The following TAF3 variants were observed in gnomAD, a reference collection of about 807,000 sequenced individuals.
TAF3 encodes transcription initiation factor TFIID subunit 3.
A neutral mutation model predicts 80.6 loss-of-function variants in TAF3; 7 were observed. The observed-to-expected ratio is 0.09, with a 90% CI of 0.05 to 0.16. TAF3 has a LOEUF of 0.16. Ranked by LOEUF, TAF3 falls within the 10% of genes least tolerant of loss-of-function variation. The pLI is 1.00. For missense variants in TAF3, 921 were observed against 1,140.2 expected, an observed-to-expected ratio of 0.81 and a Z score of 2.77; for synonymous variants, 444 against 446.1, an observed-to-expected ratio of 1.00 and a Z score of 0.06.
intron 2 of TAF3, among the ~76,000 whole-genome samples, chr10:7,862,005 C>T (rs1242402812): frequency 6.6e-6 from 1 of 152,038 alleles, no homozygotes; most frequent in South Asian, 2.1e-4. Flanking sequence ...TCTGTCCGTT[C>T]TTCCAATTTG....
In TAF3 at chr10:7,824,404, C is replaced by A; in HGVS notation, c.253C>A (p.His85Asn). 2 of 1,614,162 alleles carry A rather than the reference C, an allele frequency of 1.2e-6. No individual in the cohort carries two copies. The highest frequency in any genetic ancestry group is 1.7e-6 in the Non-Finnish European group (2 of 1,180,016). ...VSLHELEDYI[H>N]NIEPVTFPHQ... ...TCTACATGAACTAGAAGACTATATT[C>A]ACAACATTGAGCCTGTCACCTTCCC... Residue 85 changes from histidine to asparagine, a missense_variant, in exon 2 of 7, where the codon CAC becomes AAC. This residue lies in a region of TAF3 where 106 missense variants were observed against 191.8 expected (regional missense o/e 0.55). Transcript: ENST00000344293.
At chr10:7,914,894 C>T (rs572228356) in intron 2 of TAF3, among the ~76,000 whole-genome samples, 1 of 149,556 alleles carries the variant, frequency 6.7e-6, no homozygotes, top group South Asian at 2.1e-4. Context: ...CATGTGCCTG[C>T]CACACCTCAT....
At chr10:7,995,778 G>A (rs915122347) in intron 4 of TAF3, among the ~76,000 whole-genome samples, 2 of 152,170 alleles carry the variant, frequency 1.3e-5, no homozygotes, top group Non-Finnish European at 2.9e-5. Flanking sequence ...AAAGAGGCAG[G>A]CCACGAGCTT....
chr10:7,835,840 C>A (rs1564343767), intron 2 of TAF3, among the ~76,000 whole-genome samples: 2 of 152,166 alleles, frequency 1.3e-5, no homozygotes, highest in Non-Finnish European at 2.9e-5. Context: ...CATGTTGTCA[C>A]CTGCATGTAT....
At chr10:7,834,866 C>T (rs373770059) in intron 2 of TAF3, among the ~76,000 whole-genome samples, 67 of 152,048 alleles carry the variant, frequency 4.4e-4, no homozygotes, top group South Asian at 4.0e-3. Context: ...TTCATTTTAC[C>T]GTGTGTATCT....
intron 2 of TAF3, among the ~76,000 whole-genome samples, chr10:7,923,560 T>A (rs2131191032): frequency 6.6e-6 from 1 of 151,024 alleles, no homozygotes; most frequent in East Asian, 1.9e-4. Flanking sequence ...AGTTTTGAAG[T>A]ATTGCTGTAT....
chr10:7,863,626 A>AAATATATATATAT (rs1218836662), intron 2 of TAF3, among the ~76,000 whole-genome samples: 5 of 48,098 alleles, frequency 1.0e-4, no homozygotes, highest in Non-Finnish European at 1.9e-4. Context: ...AAAAAAAAAA[A>AAATATATATATAT]ATATATATAT....
intron 4 of TAF3, among the ~76,000 whole-genome samples, chr10:7,980,922 T>C (rs1193555288): frequency 6.6e-6 from 1 of 152,186 alleles, no homozygotes; most frequent in Non-Finnish European, 1.5e-5. Flanking sequence ...GTAGGTAGAA[T>C]TGGCTAACTT....
At chr10:7,895,039 C>A (rs978654910) in intron 2 of TAF3, among the ~76,000 whole-genome samples, 6 of 152,132 alleles carry the variant, frequency 3.9e-5, no homozygotes, top group Admixed American at 2.6e-4. Context: ...CCATTCCTGG[C>A]TAATTTTTGT....
intron 2 of TAF3, among the ~76,000 whole-genome samples, chr10:7,913,309 A>T (rs1294188303): frequency 6.6e-6 from 1 of 152,150 alleles, no homozygotes; most frequent in African/African-American, 2.4e-5. Context: ...GTGAAAAGGA[A>T]ACCAGGGTTT....
chr10:8,002,204 T>C (rs74406825), intron 4 of TAF3, among the ~76,000 whole-genome samples: 2 of 152,308 alleles, frequency 1.3e-5, no homozygotes, highest in African/African-American at 4.8e-5. Flanking sequence ...AACGCCTGGG[T>C]TGTCCTCACA....
chr10:7,842,179 T>TTTTTTTTTTTTTTG (rs1836925260), intron 2 of TAF3, among the ~76,000 whole-genome samples: 1 of 122,164 alleles, frequency 8.2e-6, no homozygotes, highest in Non-Finnish European at 1.8e-5. Context: ...TTTTTTTGTT[T>TTTTTTTTTTTTTTG]TTTTTTTTTT....
At chr10:8,008,639 C>T (rs550098836) in intron 4 of TAF3, among the ~76,000 whole-genome samples, 1 of 152,272 alleles carries the variant, frequency 6.6e-6, no homozygotes, top group East Asian at 1.9e-4. Context: ...CTTTCTTGCC[C>T]ATCTCCAGTG....
chr10:7,851,006 A>G (rs1282031632), intron 2 of TAF3, among the ~76,000 whole-genome samples: 3 of 152,224 alleles, frequency 2.0e-5, no homozygotes, highest in Non-Finnish European at 4.4e-5. Flanking sequence ...GCAGATAAAC[A>G]GTCTCTGCTT....
intron 2 of TAF3, among the ~76,000 whole-genome samples, chr10:7,855,345 C>T (rs530112105): frequency 2.6e-5 from 4 of 152,210 alleles, no homozygotes; most frequent in South Asian, 2.1e-4. Context: ...ACAAAGGGAC[C>T]GTGGGTTGAG....
At chr10:7,938,132 C>T (rs1395891866) in intron 2 of TAF3, among the ~76,000 whole-genome samples, 1 of 152,162 alleles carries the variant, frequency 6.6e-6, no homozygotes, top group Non-Finnish European at 1.5e-5. Flanking sequence ...TGATTTAAAA[C>T]AATAAACATA....
intron 2 of TAF3, among the ~76,000 whole-genome samples, chr10:7,865,110 G>A (rs11255417): frequency 1.3e-5 from 2 of 152,160 alleles, no homozygotes; most frequent in African/African-American, 2.4e-5. Context: ...GGAAGCTTCA[G>A]AGGGAAGTGA....
intron 4 of TAF3, among the ~76,000 whole-genome samples, chr10:7,988,752 G>GAAAAAAAAAAAAAAA (rs56395044): frequency 5.4e-5 from 5 of 92,884 alleles, no homozygotes; most frequent in Non-Finnish European, 9.8e-5. Context: ...CTGTCTCTCA[G>GAAAAAAAAAAAAAAA]AAAAAAAAAA....
intron 2 of TAF3, among the ~76,000 whole-genome samples, chr10:7,913,247 TGAAG>T (rs1837674457): frequency 2.0e-5 from 3 of 152,036 alleles, no homozygotes; most frequent in Non-Finnish European, 4.4e-5. Context: ...ATTCAAGGTA[TGAAG>T]TGTTGGGAGG....
Sources: gnomAD v4.1 joint callset for allele counts (sites outside exome capture counted in the v4.1 genomes callset) on GRCh38, gnomAD v4.1.1 for gene constraint, gnomAD v4.1.1 regional missense constraint, MANE v1.5 for transcripts, NCBI Gene and HGNC (gene_info 2026-07-23, HGNC 2026-07-21) for gene names.